The following NCKAP5 variants were observed in gnomAD, a reference collection of about 807,000 sequenced individuals.
NCKAP5 encodes the protein NCK associated protein 5.
NCKAP5 carries 92 observed loss-of-function variants against 167.0 expected under a neutral mutation model. That is an observed-to-expected ratio of 0.55 (90% CI 0.47 to 0.66). The LOEUF is 0.66. NCKAP5 is among the 30% of genes least tolerant of loss of function. NCKAP5 has a pLI of 0.00. For synonymous variants in NCKAP5, 891 were observed against 877.4 expected (o/e 1.02, Z -0.27); for missense variants, 2,378 against 2,315.0 (o/e 1.03, Z -0.56).
intron 6 of NCKAP5, among the ~76,000 whole-genome samples, chr2:133,020,443 A>AAAGAT (rs1180217033): frequency 6.6e-6 from 1 of 152,196 alleles, no homozygotes; most frequent in African/African-American, 2.4e-5. Context: ...GACATGCATA[A>AAAGAT]AAGATATGTT....
intron 3 of NCKAP5, among the ~76,000 whole-genome samples, chr2:133,452,767 G>C (rs1691628571): frequency 1.3e-5 from 2 of 152,152 alleles, no homozygotes. Context: ...AGCAGGACTT[G>C]TTTTTACATG....
chr2:132,841,747 C>G (rs1173794956), intron 11 of NCKAP5, among the ~76,000 whole-genome samples: 1 of 152,022 alleles, frequency 6.6e-6, no homozygotes, highest in Admixed American at 6.6e-5. Context: ...AGCACAAATG[C>G]AAGATCTTTT....
intron 3 of NCKAP5, among the ~76,000 whole-genome samples, chr2:133,320,575 A>C (rs1305514617): frequency 5.9e-5 from 9 of 152,048 alleles, no homozygotes; most frequent in African/African-American, 2.2e-4. Flanking sequence ...AAAAATACAG[A>C]AAATTAGCCA....
At chr2:132,773,795 T>C (rs757358636) in intron 16 of NCKAP5, 21 bp downstream of exon 16, 8 of 1,582,456 alleles carry the variant, frequency 5.1e-6, no homozygotes, top group African/African-American at 1.4e-5. Flanking sequence ...ATAAAAGACA[T>C]ATGAATATGT....
At chr2:133,203,182 C>T (rs189159530) in intron 5 of NCKAP5, among the ~76,000 whole-genome samples, 7,758 of 152,186 alleles carry the variant, frequency 0.051, 615 homozygotes, top group African/African-American at 0.17. Context: ...AAATGTGGCA[C>T]ATATACACCA....
intron 11 of NCKAP5, among the ~76,000 whole-genome samples, chr2:132,835,738 T>G (rs1368918276): frequency 6.6e-6 from 1 of 152,096 alleles, no homozygotes; most frequent in Non-Finnish European, 1.5e-5. Context: ...CCAGTTAATT[T>G]TATGTCAATT....
At position 133,081,829 on chromosome 2, in the gene NCKAP5, C is replaced by T. The variant is rs2080819457; in HGVS notation, c.341+48149G>A. 5.3e-5 allele frequency among the ~76,000 whole-genome samples: 8 copies of T among 152,088 alleles called. No individual in the cohort carries two copies. The South Asian group carries it at 1.7e-3, about 32-fold the overall frequency. ...TCCAAGGTAGTAACAATGACATCTG[C>T]CATCAGATTACCCAGACATCAAGTG... On this transcript the variant is annotated intron_variant, in intron 6 of 19. Transcript: ENST00000409261.
intron 4 of NCKAP5, among the ~76,000 whole-genome samples, chr2:133,229,307 C>A (rs1385572265): frequency 6.6e-6 from 1 of 151,924 alleles, no homozygotes; most frequent in Non-Finnish European, 1.5e-5. Flanking sequence ...TGAGAGAGAA[C>A]AAAATAAGAA....
At chr2:132,718,620 T>C (rs1478035147) in intron 19 of NCKAP5, among the ~76,000 whole-genome samples, 1 of 152,224 alleles carries the variant, frequency 6.6e-6, no homozygotes, top group Non-Finnish European at 1.5e-5. Flanking sequence ...ATCATTTTTC[T>C]CTAGCAGTGT....
In NCKAP5 at chr2:132,887,348, T is replaced by TTTCCATCC. The variant is rs1558902627; in HGVS notation, c.580-8433_580-8432insGGATGGAA. Reference sequence around the variant, plus strand: ...CTATCTATCTATCTATCTATCTATCTATCCATCCATCCATCTTTCCATCCA... The same window carrying TTTCCATCC: ...CTATCTATCTATCTATCTATCTATCTTTCCATCCATCCATCCATCCATCTTTCCATCCA... On this transcript the variant is annotated intron_variant, in intron 8 of 19. Coordinates refer to ENST00000409261, the MANE Select transcript of NCKAP5 (RefSeq NM_207363.3). Among the ~76,000 whole-genome samples, 4 of 128,700 alleles carry TTTCCATCC rather than the reference T, an allele frequency of 3.1e-5. No individual in the cohort carries two copies. The East Asian group carries it at 8.4e-4, about 27-fold the overall frequency. 84.4% of individuals were successfully genotyped at this position (128,700 alleles called of 152,430 possible).
chr2:133,571,304 G>C (rs1688858728), upstream of NCKAP5, among the ~76,000 whole-genome samples: 1 of 152,054 alleles, frequency 6.6e-6, no homozygotes, highest in Non-Finnish European at 1.5e-5. Context: ...CTTCCCGAGG[G>C]AGAGTTAAAT....
At chr2:133,569,514 TGTAA>T (rs1688777597), upstream of NCKAP5, among the ~76,000 whole-genome samples, 1 of 152,228 alleles carries the variant, frequency 6.6e-6, no homozygotes. Flanking sequence ...AGGGCTGCCT[TGTAA>T]GTGTTATTTG....
intron 6 of NCKAP5, among the ~76,000 whole-genome samples, chr2:132,999,910 A>C (rs140948734): frequency 6.6e-6 from 1 of 152,202 alleles, no homozygotes; most frequent in Non-Finnish European, 1.5e-5. Context: ...GAAGCCACTC[A>C]AGAAGTTATT....
chr2:132,878,717 TTAC>T, intron 9 of NCKAP5, 128 bp downstream of exon 9: 1 of 726,750 alleles, frequency 1.4e-6, no homozygotes, highest in East Asian at 2.5e-5. Context: ...GGCTACATGT[TTAC>T]TACATTTCTT....
chr2:132,890,838 C>A (rs1460221725), intron 8 of NCKAP5, among the ~76,000 whole-genome samples: 5 of 152,150 alleles, frequency 3.3e-5, no homozygotes, highest in Non-Finnish European at 5.9e-5. Flanking sequence ...TCTAGGGCTG[C>A]TGGGCATCTT....
At chr2:133,079,707 T>C (rs2080738218) in intron 6 of NCKAP5, among the ~76,000 whole-genome samples, 1 of 152,198 alleles carries the variant, frequency 6.6e-6, no homozygotes, top group Non-Finnish European at 1.5e-5. Context: ...TTTTGGTCAA[T>C]ATCATTGTAA....
intron 5 of NCKAP5, among the ~76,000 whole-genome samples, chr2:133,183,488 G>C (rs1483848266): frequency 6.6e-6 from 1 of 152,246 alleles, no homozygotes; most frequent in Middle Eastern, 3.4e-3. Context: ...AACATCAATT[G>C]ATGTGGGAAA....
intron 4 of NCKAP5, among the ~76,000 whole-genome samples, chr2:133,298,690 G>C (rs981003545): frequency 6.6e-6 from 1 of 151,906 alleles, no homozygotes; most frequent in Non-Finnish European, 1.5e-5. Flanking sequence ...ATTATTTTTT[G>C]TAAATTTTTC....
chr2:133,084,262 T>C (rs2080908744), intron 6 of NCKAP5, among the ~76,000 whole-genome samples: 1 of 152,142 alleles, frequency 6.6e-6, no homozygotes, highest in South Asian at 2.1e-4. Context: ...GAAACAGATC[T>C]GGAATGAATG....
Sources: allele counts gnomAD v4.1 joint callset (sites outside exome capture counted in the v4.1 genomes callset), GRCh38; gene constraint gnomAD v4.1.1; transcripts MANE v1.5; gene names NCBI Gene and HGNC (gene_info 2026-07-23, HGNC 2026-07-21).